Variants in KIF2A observed in about 807,000 individuals in gnomAD.
KIF2A encodes the protein kinesin family member 2A, also known as kinesin-like protein KIF2A.
A neutral mutation model predicts 100.2 loss-of-function variants in KIF2A; 22 were observed. The observed-to-expected ratio is 0.22, with a 90% CI of 0.16 to 0.31. The LOEUF (loss-of-function observed/expected upper bound fraction) is 0.31. KIF2A is among the 10% of genes least tolerant of loss of function. KIF2A has a pLI of 1.00. For missense variants in KIF2A, 495 were observed against 898.7 expected, an observed-to-expected ratio of 0.55 and a Z score of 5.74; for synonymous variants, 268 against 285.9, an observed-to-expected ratio of 0.94 and a Z score of 0.63.
chr5:62,381,178 T>A lies in KIF2A; in HGVS notation c.2074T>A (p.Tyr692Asn). 6.2e-7 allele frequency: 1 copy of A among 1,608,584 alleles called. No individual in the cohort carries two copies. Among genetic ancestry groups the A allele is most frequent in the Non-Finnish European group, 8.5e-7 (1 of 1,175,124 alleles). The change falls in exon 20 of 21, where the codon TAT (tyrosine) becomes AAT (asparagine). Residue 692 changes from tyrosine to asparagine, a missense_variant. This residue lies in a region of KIF2A where 58 missense variants were observed against 94.8 expected (regional missense o/e 0.61). Coordinates refer to ENST00000407818, the MANE Select transcript of KIF2A (RefSeq NM_001098511.3). Reference protein sequence around the residue: ...ALLEMTEEVDYDVDSYATQLE... With the variant: ...ALLEMTEEVDNDVDSYATQLE... ...CTTAGAGATGACTGAAGAAGTAGAT[T>A]ATGATGTCGATTCATATGCTACACA...
chr5:62,320,479 T>C (rs1746042397), intron 1 of KIF2A, among the ~76,000 whole-genome samples: 1 of 152,226 alleles, frequency 6.6e-6, no homozygotes, highest in African/African-American at 2.4e-5. Context: ...AAAATGCCTG[T>C]TTCCTCATAC....
intron 3 of KIF2A, 34 bp from the exon 4 acceptor site, chr5:62,350,032 T>C (rs748670928): frequency 1.2e-5 from 17 of 1,447,210 alleles, no homozygotes; most frequent in Middle Eastern, 1.7e-4. Flanking sequence ...GGAGTAAAGA[T>C]AGAAAACATA....
At chr5:62,353,536 T>C (rs1747956813) in intron 6 of KIF2A, among the ~76,000 whole-genome samples, 161 bp downstream of exon 6, 1 of 152,154 alleles carries the variant, frequency 6.6e-6, no homozygotes, top group Admixed American at 6.5e-5. Flanking sequence ...CTTGTGCAAA[T>C]AAGTTACCGT....
chr5:62,360,609 C>T (rs1241078758), intron 9 of KIF2A, among the ~76,000 whole-genome samples: 3 of 151,800 alleles, frequency 2.0e-5, no homozygotes, highest in African/African-American at 4.8e-5. Context: ...CACTTGAACC[C>T]GGGAGGCGGA....
At chr5:62,361,739 A>G (rs1402297853) in intron 11 of KIF2A, among the ~76,000 whole-genome samples, 3 of 150,564 alleles carry the variant, frequency 2.0e-5, no homozygotes, top group Non-Finnish European at 4.4e-5. Context: ...CAAGAACTGT[A>G]GGCTGGGTGT....
chr5:62,321,160 C>T, intron 1 of KIF2A, among the ~76,000 whole-genome samples: 1 of 152,108 alleles, frequency 6.6e-6, no homozygotes, highest in East Asian at 1.9e-4. Flanking sequence ...ATTTATCCAT[C>T]CATTAATCGA....
intron 3 of KIF2A, among the ~76,000 whole-genome samples, chr5:62,349,510 G>A (rs1160489543): frequency 6.6e-6 from 1 of 151,992 alleles, no homozygotes; most frequent in Non-Finnish European, 1.5e-5. Context: ...TGAATAAAAG[G>A]AAGTCTTCAT....
intron 7 of KIF2A, 114 bp downstream of exon 7, chr5:62,355,368 G>C (rs935035146): frequency 1.7e-6 from 1 of 585,918 alleles, no homozygotes; most frequent in Non-Finnish European, 3.1e-6. Flanking sequence ...CTTTCCTTGT[G>C]GGTGCTCATT....
At chr5:62,321,919 T>C (rs1484228536) in intron 1 of KIF2A, among the ~76,000 whole-genome samples, 1 of 152,036 alleles carries the variant, frequency 6.6e-6, no homozygotes, top group East Asian at 1.9e-4. Context: ...TATAATTTGG[T>C]ATGTTTTCTC....
At chr5:62,353,068 G>C (rs1403569648) in intron 5 of KIF2A, 2 of 446,888 alleles carry the variant, frequency 4.5e-6, no homozygotes, top group South Asian at 4.7e-5. Context: ...ATATGTTTGA[G>C]TCATTTTTCT....
Position 62,346,575 on chromosome 5 carries a change from A to G in KIF2A, c.65-555A>G, listed in dbSNP as rs866096990. On this transcript the variant is annotated intron_variant, in intron 1 of 20. Transcript: ENST00000407818. ...CGCGATATGGTGAAACCCCGTCCCT[A>G]CTAAAAATACTAAAATTAGCTGGGT... Among the ~76,000 whole-genome samples, 4 of 152,130 alleles carry G rather than the reference A, an allele frequency of 2.6e-5. No individual in the cohort carries two copies. The South Asian group carries it at 8.3e-4, about 32-fold the overall frequency.
chr5:62,377,672 C>T lies in KIF2A; in HGVS notation c.1923C>T (p.Val641=), dbSNP rs1381133388. The T allele has an allele frequency of 6.6e-7, 1 of 1,520,228 alleles. No homozygotes were observed. Among genetic ancestry groups the T allele is most frequent in the South Asian group, 1.3e-5 (1 of 78,644 alleles). The allele number at this position is 1,520,228 out of a possible 1,614,324, so 94.2% of individuals were successfully genotyped here. ...ATTTTTATTTTAAGGAAGAAGAAGTCTCTCCACAGTTGTTTACTTTCCACG... is the reference window on the plus strand; with the variant it reads ...ATTTTTATTTTAAGGAAGAAGAAGTTTCTCCACAGTTGTTTACTTTCCACG... ...KLLCEQNEEE[V]SPQLFTFHEA... Residue 641 remains valine (V), a synonymous_variant, in exon 19 of 21, where the codon GTC becomes GTT. Coordinates refer to ENST00000407818, the MANE Select transcript of KIF2A (RefSeq NM_001098511.3).
At chr5:62,384,536 C>A (rs559999915) in intron 20 of KIF2A, among the ~76,000 whole-genome samples, 2 of 152,268 alleles carry the variant, frequency 1.3e-5, no homozygotes, top group South Asian at 4.2e-4. Context: ...AGCACCACAC[C>A]AGTTGGGATA....
intron 1 of KIF2A, among the ~76,000 whole-genome samples, chr5:62,308,082 A>G (rs910416402): frequency 6.6e-6 from 1 of 152,198 alleles, no homozygotes. Context: ...GGAAGACCCT[A>G]TATAGCTAAT....
intron 1 of KIF2A, among the ~76,000 whole-genome samples, chr5:62,319,697 T>C (rs1746007594): frequency 1.3e-5 from 2 of 152,374 alleles, no homozygotes; most frequent in East Asian, 1.9e-4. Context: ...TTCACTGCTC[T>C]GTCTATTCAA....
chr5:62,361,591 GA>G, intron 11 of KIF2A, 62 bp downstream of exon 11: 4 of 899,970 alleles, frequency 4.4e-6, no homozygotes, highest in Non-Finnish European at 7.3e-6. Flanking sequence ...AGGTAACTTT[GA>G]AATAAGGCTT....
chr5:62,334,280 T>G (rs750078660), intron 1 of KIF2A, among the ~76,000 whole-genome samples: 2 of 151,954 alleles, frequency 1.3e-5, no homozygotes, highest in Non-Finnish European at 2.9e-5. Context: ...AGCCTGGACT[T>G]GGGTCCAGGT....
At chr5:62,381,696 C>G (rs1416541069) in intron 20 of KIF2A, among the ~76,000 whole-genome samples, 2 of 152,190 alleles carry the variant, frequency 1.3e-5, no homozygotes, top group African/African-American at 4.8e-5. Context: ...TCCTGAGTAG[C>G]TGGGACTACA....
At chr5:62,317,689 C>A (rs996198278) in intron 1 of KIF2A, among the ~76,000 whole-genome samples, 1 of 152,064 alleles carries the variant, frequency 6.6e-6, no homozygotes, top group Non-Finnish European at 1.5e-5. Flanking sequence ...TTTTATTAAT[C>A]AGGTGTTTTT....
Sources: gnomAD v4.1 joint callset for allele counts (sites outside exome capture counted in the v4.1 genomes callset) on GRCh38, gnomAD v4.1.1 for gene constraint, gnomAD v4.1.1 regional missense constraint, MANE v1.5 for transcripts, NCBI Gene and HGNC (gene_info 2026-07-23, HGNC 2026-07-21) for gene names.